The following EYA1 variants were observed in gnomAD, a reference collection of about 807,000 sequenced individuals.
The protein encoded by EYA1 is EYA transcriptional coactivator and phosphatase 1.
Under a neutral mutation model 82.0 loss-of-function variants are expected in EYA1, and 16 were observed. The ratio of observed to expected loss-of-function variants is 0.20; its 90% CI spans 0.13 to 0.30. The LOEUF (loss-of-function observed/expected upper bound fraction) is 0.30, where lower values mean the gene tolerates loss of function less well. Among genes scored for constraint, EYA1 ranks in the 10% least tolerant of loss-of-function variants. The pLI is 1.00. For synonymous variants in EYA1, 261 were observed against 264.4 expected, an observed-to-expected ratio of 0.99 and a Z score of 0.12; for missense variants, 633 against 730.7, an observed-to-expected ratio of 0.87 and a Z score of 1.54.
intron 7 of EYA1, among the ~76,000 whole-genome samples, chr8:71,309,197 A>G (rs1821061192): frequency 6.6e-6 from 1 of 152,322 alleles, no homozygotes; most frequent in Middle Eastern, 3.4e-3. Context: ...ATATATTTCT[A>G]TATATTTTAA....
chr8:71,232,289 A>C (rs1281024368), intron 12 of EYA1, among the ~76,000 whole-genome samples: 1 of 152,216 alleles, frequency 6.6e-6, no homozygotes, highest in Non-Finnish European at 1.5e-5. Flanking sequence ...AGCAGCCTGC[A>C]CTGTCAGTCC....
chr8:71,219,623 A>C lies in EYA1; in HGVS notation c.1141-2600T>G, dbSNP rs144585915. Among the ~76,000 whole-genome samples, 394 of 152,330 alleles carry C rather than the reference A, an allele frequency of 2.6e-3. 1 individual carries two copies. Among genetic ancestry groups the C allele is most frequent in the African/African-American group, 9.1e-3 (378 of 41,582 alleles). ...TGCCTTGGGAGGTATGTTTTTAAAAAATTGTTTTAAATCTTAAGGAGAAAC... is the reference window on the plus strand; with the variant it reads ...TGCCTTGGGAGGTATGTTTTTAAAACATTGTTTTAAATCTTAAGGAGAAAC... On this transcript the variant is annotated intron_variant, in intron 12 of 17. Transcript: ENST00000340726.
intron 2 of EYA1, among the ~76,000 whole-genome samples, chr8:71,459,608 T>C (rs1808216617): frequency 6.7e-6 from 1 of 149,894 alleles, no homozygotes; most frequent in Non-Finnish European, 1.5e-5. Context: ...TGCTACTTTT[T>C]CAAATGTAAA....
At chr8:71,356,357 A>C (rs758039412) in intron 2 of EYA1, 105 bp downstream of exon 2, 57 of 938,960 alleles carry the variant, frequency 6.1e-5, no homozygotes, top group Non-Finnish European at 9.0e-5. Context: ...TTTCCAACAG[A>C]GGCTGTTACT....
chr8:71,287,103 A>AT (rs951703108), intron 9 of EYA1, among the ~76,000 whole-genome samples: 2 of 150,094 alleles, frequency 1.3e-5, no homozygotes, highest in Non-Finnish European at 3.0e-5. Context: ...CTTGGCCTAA[A>AT]TTTTTTTTTT....
At chr8:71,424,657 T>C (rs1353583735) in intron 2 of EYA1, among the ~76,000 whole-genome samples, 1 of 152,180 alleles carries the variant, frequency 6.6e-6, no homozygotes, top group African/African-American at 2.4e-5. Flanking sequence ...GAGAAGCCTG[T>C]TTCCAGTCTG....
chr8:71,244,824 T>C (rs1812882511), intron 11 of EYA1, 132 bp from the exon 12 acceptor site: 1 of 635,240 alleles, frequency 1.6e-6, no homozygotes, highest in Non-Finnish European at 2.9e-6. Context: ...GGGCAACAGC[T>C]GCTTATTTTA....
At chr8:71,350,848 G>C (rs190556323) in intron 3 of EYA1, among the ~76,000 whole-genome samples, 39 of 152,214 alleles carry the variant, frequency 2.6e-4, no homozygotes, top group Admixed American at 6.5e-4. Flanking sequence ...CGAAAACAAA[G>C]ATGGAAAGAA....
chr8:71,436,411 C>T (rs13264641), intron 2 of EYA1, among the ~76,000 whole-genome samples: 109,798 of 152,004 alleles, frequency 0.72, 40,913 homozygotes, highest in African/African-American at 0.83. Context: ...CTTTCCGCAA[C>T]AGTACCATTT....
chr8:71,309,023 G>T (rs912615276), intron 7 of EYA1, among the ~76,000 whole-genome samples: 16 of 152,148 alleles, frequency 1.1e-4, no homozygotes, highest in African/African-American at 3.6e-4. Context: ...AAAAGCTTTC[G>T]AAGGCCAGAT....
intron 2 of EYA1, among the ~76,000 whole-genome samples, chr8:71,459,311 T>A (rs1326526323): frequency 6.6e-6 from 1 of 152,202 alleles, no homozygotes; most frequent in East Asian, 1.9e-4. Flanking sequence ...TTTGTTTCAA[T>A]TCCTGCAAAG....
chr8:71,391,584 C>T (rs921162609), intron 2 of EYA1, among the ~76,000 whole-genome samples: 40 of 152,022 alleles, frequency 2.6e-4, no homozygotes, highest in African/African-American at 4.6e-4. Context: ...TTATGGAGAA[C>T]GTTGATTTTT....
At chr8:71,207,918 T>C (rs1808023500) in intron 17 of EYA1, among the ~76,000 whole-genome samples, 1 of 152,226 alleles carries the variant, frequency 6.6e-6, no homozygotes, top group Non-Finnish European at 1.5e-5. Flanking sequence ...TTTGGTACTG[T>C]TGTAAATGAA....
intron 12 of EYA1, among the ~76,000 whole-genome samples, chr8:71,226,267 A>G (rs1810544322): frequency 6.6e-6 from 1 of 152,146 alleles, no homozygotes; most frequent in African/African-American, 2.4e-5. Context: ...CTAATTAAAA[A>G]AAATAAGACA....
chr8:71,277,979 TA>T (rs1477454683), intron 9 of EYA1, among the ~76,000 whole-genome samples: 2 of 152,172 alleles, frequency 1.3e-5, no homozygotes, highest in Non-Finnish European at 2.9e-5. Context: ...CAGATTTCCA[TA>T]AATTCTTCAA....
At chr8:71,361,563 A>C (rs1290479144) in intron 1 of EYA1, 84 bp downstream of exon 1, 1 of 648,306 alleles carries the variant, frequency 1.5e-6, no homozygotes, top group East Asian at 1.4e-4. Context: ...ACAATAATAA[A>C]AGCGCTCCTG....
chr8:71,299,385 C>T, intron 8 of EYA1, 152 bp from the exon 9 acceptor site: 2 of 825,642 alleles, frequency 2.4e-6, no homozygotes, highest in Non-Finnish European at 4.1e-6. Context: ...AGAGCTCAGA[C>T]TTGCAAACAA....
At chr8:71,411,886 C>A (rs1586665135) in intron 2 of EYA1, among the ~76,000 whole-genome samples, 1 of 149,914 alleles carries the variant, frequency 6.7e-6, no homozygotes. Context: ...TGGGTATATA[C>A]CCAAATGACT....
intron 4 of EYA1, chr8:71,324,049 C>T (rs535384431): frequency 1.6e-4 from 24 of 152,344 alleles, no homozygotes; most frequent in South Asian, 8.3e-4. Flanking sequence ...TGCAATGCTA[C>T]TTGCTGACAG....
Sources: gnomAD v4.1 joint callset for allele counts (sites outside exome capture counted in the v4.1 genomes callset) on GRCh38, gnomAD v4.1.1 for gene constraint, MANE v1.5 for transcripts, NCBI Gene and HGNC (gene_info 2026-07-23, HGNC 2026-07-21) for gene names.